Variants in PRH1 observed in about 807,000 individuals in gnomAD.
PRH1 encodes the protein salivary acidic proline-rich phosphoprotein 1/2.
Under a neutral mutation model 7.9 loss-of-function variants are expected in PRH1, and 7 were observed. That is an observed-to-expected ratio of 0.89 (90% confidence interval 0.50 to 1.67). The LOEUF is 1.67. Ranked by LOEUF, PRH1 falls within the 40% of genes most tolerant of loss-of-function variation. The pLI, the probability that PRH1 is intolerant of heterozygous loss-of-function variation, is 0.00. For missense variants in PRH1, 109 were observed against 223.6 expected, an observed-to-expected ratio of 0.49 and a Z score of 3.27; for synonymous variants, 45 against 80.8, an observed-to-expected ratio of 0.56 and a Z score of 2.38.
chr12:11,138,116 T>A (rs565460589), intron 1 of PRH1, among the ~76,000 whole-genome samples: 15 of 152,340 alleles, frequency 9.8e-5, no homozygotes, highest in African/African-American at 3.6e-4. Context: ...AAAAGTGATC[T>A]CCAACAATTA....
intron 2 of PRH1, chr12:10,973,628 CTG>C: frequency 1.3e-6 from 1 of 772,552 alleles, no homozygotes; most frequent in South Asian, 1.4e-5. Context: ...TCATTTGATC[CTG>C]TGTTACTTGA....
intron 2 of PRH1, among the ~76,000 whole-genome samples, chr12:10,945,161 T>C (rs561731358): frequency 2.0e-5 from 3 of 152,198 alleles, no homozygotes; most frequent in Non-Finnish European, 4.4e-5. Flanking sequence ...CTGGTAGAAT[T>C]TGGCTGTGAA....
At chr12:11,061,966 A>C in intron 1 of PRH1, 1 of 1,613,982 alleles carries the variant, frequency 6.2e-7, no homozygotes, top group Non-Finnish European at 8.5e-7. Context: ...GAAATTGGCA[A>C]TCTTGAGCAA....
intron 1 of PRH1, chr12:11,022,705 G>T: frequency 3.0e-6 from 2 of 667,118 alleles, no homozygotes; most frequent in South Asian, 4.0e-5. Flanking sequence ...AGTGACTAGT[G>T]TCAACAGGCA....
At chr12:11,046,742 T>C (rs563224180) in intron 1 of PRH1, among the ~76,000 whole-genome samples, 2 of 152,300 alleles carry the variant, frequency 1.3e-5, no homozygotes, top group East Asian at 1.9e-4. Context: ...ATTTGATCTT[T>C]AGTGTAAGAA....
chr12:10,951,434 T>C (rs117717030), intron 2 of PRH1, among the ~76,000 whole-genome samples: 3,010 of 152,302 alleles, frequency 0.02, 34 homozygotes, highest in South Asian at 0.031. Context: ...AAATTTTTCC[T>C]ATCAAAAGCA....
At chr12:10,958,570 G>GA (rs572402358) in intron 2 of PRH1, among the ~76,000 whole-genome samples, 248 of 150,144 alleles carry the variant, frequency 1.7e-3, no homozygotes, top group Non-Finnish European at 2.7e-3. Context: ...GCTAAAAAAA[G>GA]AAAAAAAAAC....
At chr12:10,884,335 G>C, upstream of PRH1, 3 of 1,258,120 alleles carry the variant, frequency 2.4e-6, no homozygotes, top group Non-Finnish European at 3.5e-6. Flanking sequence ...GGGCCTCCTC[G>C]CCTCAGAGAC....
intron 1 of PRH1, among the ~76,000 whole-genome samples, chr12:11,137,844 A>G (rs1946598695): frequency 6.6e-6 from 1 of 152,180 alleles, no homozygotes; most frequent in South Asian, 2.1e-4. Flanking sequence ...GTGGATATAG[A>G]TAATGATAAT....
At position 11,000,878 on chromosome 12, in the gene PRH1, T is replaced by C. The variant is rs114227783; in HGVS notation, c.-125-27157A>G. Among the ~76,000 whole-genome samples, 227 of 152,282 alleles carry C rather than the reference T, an allele frequency of 1.5e-3. 2 individuals are homozygous for C. Among genetic ancestry groups the C allele is most frequent in the Admixed American group, 4.3e-3 (65 of 15,276 alleles). On this transcript the variant is annotated intron_variant, in intron 1 of 3. Coordinates refer to the PRH1 transcript ENST00000539853. ...TTGATTATTTATTTTTTGCTATTAT[T>C]GTTTTAGTAGCAGAAATTATATTTT...
Position 11,156,909 on chromosome 12 carries a change from G to A in PRH1, n.39+14513C>T, listed in dbSNP as rs527655338. On this transcript the variant is annotated intron_variant and non_coding_transcript_variant, in intron 1 of 1. Coordinates refer to the PRH1 transcript ENST00000541175. ...CACCCAGGCTGGAGTGCAGTGGCGC[G>A]ATCTTGGCTCACTGCAAGCTCTGCC... 1.8e-4 allele frequency among the ~76,000 whole-genome samples: 27 copies of A among 148,320 alleles called. No individual in the cohort carries two copies. In the South Asian group the frequency reaches 4.9e-3, roughly 27 times the overall value.
chr12:11,008,777 T>A (rs1413702709), intron 1 of PRH1, among the ~76,000 whole-genome samples: 1 of 152,054 alleles, frequency 6.6e-6, no homozygotes, highest in Non-Finnish European at 1.5e-5. Flanking sequence ...CCTTAGTTGA[T>A]ATATACTTGG....
chr12:11,022,493 T>C (rs1483420190), intron 1 of PRH1: 3 of 1,613,578 alleles, frequency 1.9e-6, no homozygotes, highest in East Asian at 2.2e-5. Context: ...ACTAGGGCTA[T>C]GAAGCCATTG....
chr12:11,022,389 G>C, intron 1 of PRH1: 11 of 1,586,592 alleles, frequency 6.9e-6, no homozygotes, highest in Non-Finnish European at 8.6e-6. Context: ...GGAATAACAT[G>C]ACCCAGAGTA....
chr12:11,014,542 G>A (rs776219391), intron 1 of PRH1, among the ~76,000 whole-genome samples: 5 of 152,106 alleles, frequency 3.3e-5, no homozygotes, highest in Non-Finnish European at 7.4e-5. Context: ...TAAACCAAGA[G>A]CAAGCCTTTT....
At position 11,097,188 on chromosome 12, in the gene PRH1, A is replaced by C. The variant is rs1449257187; in HGVS notation, n.124-50000T>G. The stretch of plus-strand genomic sequence containing the variant: ...GTAAAACATTACTTACGAGTTTATC[A>C]ACAAATGAAGGACATCTGATATAAG... On this transcript the variant is annotated intron_variant and non_coding_transcript_variant, in intron 1 of 4. Transcript: ENST00000541977. 1.3e-5 allele frequency: 3 copies of C among 225,842 alleles called. 1 individual carries two copies. The highest frequency in any genetic ancestry group is 5.3e-5 in the African/African-American group (2 of 37,388). 14.0% of individuals were successfully genotyped at this position (225,842 alleles called of 1,614,324 possible). A position where few individuals can be genotyped will look rare whatever the true frequency, so the allele number is the denominator to read the frequency against.
intron 2 of PRH1, among the ~76,000 whole-genome samples, chr12:10,926,924 G>A (rs189308648): frequency 6.6e-6 from 1 of 152,184 alleles, no homozygotes; most frequent in African/African-American, 2.4e-5. Context: ...TGTTGTTGAC[G>A]GCTGCCACCC....
At chr12:10,908,380 G>T in intron 2 of PRH1, 1 of 1,601,926 alleles carries the variant, frequency 6.2e-7, no homozygotes, top group Non-Finnish European at 8.5e-7. Flanking sequence ...ATGAAATTGT[G>T]AGTTTCTCAT....
intron 1 of PRH1, among the ~76,000 whole-genome samples, chr12:11,140,521 C>A (rs1446555888): frequency 5.9e-5 from 9 of 151,998 alleles, no homozygotes; most frequent in Non-Finnish European, 1.2e-4. Context: ...ATTCTGTGAC[C>A]AACGTCAAAG....
Sources: allele counts gnomAD v4.1 joint callset (sites outside exome capture counted in the v4.1 genomes callset), GRCh38; gene constraint gnomAD v4.1.1; transcripts MANE v1.5; gene names NCBI Gene and HGNC (gene_info 2026-07-23, HGNC 2026-07-21).